MB21D2: variants seen among roughly 807,000 people sequenced by gnomAD.
The protein encoded by MB21D2 is Mab-21 domain containing 2, also known as nucleotidyltransferase MB21D2.
A neutral mutation model predicts 33.3 loss-of-function variants in MB21D2; 9 were observed. The observed-to-expected ratio is 0.27, with a 90% CI of 0.16 to 0.47. The LOEUF is 0.47. Ranked by LOEUF, MB21D2 falls within the 20% of genes least tolerant of loss-of-function variation. The pLI is 0.99. For missense variants in MB21D2, 540 were observed against 624.6 expected, an observed-to-expected ratio of 0.86 and a Z score of 1.44; for synonymous variants, 241 against 236.3, an observed-to-expected ratio of 1.02 and a Z score of -0.18.
chr3:192,823,805 TAA>T, intron 1 of MB21D2, among the ~76,000 whole-genome samples: 1 of 152,234 alleles, frequency 6.6e-6, no homozygotes, highest in South Asian at 2.1e-4. Flanking sequence ...TTTATTCAAA[TAA>T]AGTTTTTTAA....
chr3:192,872,550 T>G (rs1713332199), intron 1 of MB21D2, among the ~76,000 whole-genome samples: 1 of 145,970 alleles, frequency 6.9e-6, no homozygotes, highest in African/African-American at 2.6e-5. Context: ...CACTCCAGCC[T>G]GGGCCACAGA....
rs57320648 is a variant in MB21D2, at chr3:192,870,699, GAAAAA to G, written c.211+46926_211+46930del. On this transcript the variant is annotated intron_variant, in intron 1 of 1. Transcript: ENST00000392452. ...GCACTCCAGCCTGGGCGACTCCGTTGAAAAAAAAAAAAAAAAAAAAGGAAGGAGAG... is the reference window on the plus strand; with the variant it reads ...GCACTCCAGCCTGGGCGACTCCGTTGAAAAAAAAAAAAAAAGGAAGGAGAG... Among the ~76,000 whole-genome samples the G allele has an allele frequency of 4.0e-3, 167 of 41,666 alleles. 2 individuals are homozygous for G. Among genetic ancestry groups the G allele is most frequent in the Non-Finnish European group, 4.8e-3 (119 of 24,980 alleles). 27.3% of individuals were successfully genotyped at this position (41,666 alleles called of 152,430 possible).
chr3:192,916,438 G>C (rs1257358392), intron 1 of MB21D2, among the ~76,000 whole-genome samples: 1 of 152,190 alleles, frequency 6.6e-6, no homozygotes. Flanking sequence ...CCCTGTCTTA[G>C]TCTGTGGCCA....
intron 1 of MB21D2, among the ~76,000 whole-genome samples, chr3:192,811,767 A>C (rs1184177711): frequency 6.6e-6 from 1 of 152,138 alleles, no homozygotes; most frequent in African/African-American, 2.4e-5. Context: ...CAAAGAGAAC[A>C]ATGGGGATTA....
At chr3:192,827,291 C>G (rs1433616029) in intron 1 of MB21D2, among the ~76,000 whole-genome samples, 2 of 152,222 alleles carry the variant, frequency 1.3e-5, no homozygotes, top group East Asian at 3.9e-4. Context: ...AACCTATTAA[C>G]TTATAAATAG....
chr3:192,836,381 C>A (rs1416181355), intron 1 of MB21D2, among the ~76,000 whole-genome samples: 1 of 152,168 alleles, frequency 6.6e-6, no homozygotes, highest in Non-Finnish European at 1.5e-5. Flanking sequence ...AAGTTGTGGA[C>A]TCACAAATTC....
chr3:192,883,073 G>C (rs972148652), intron 1 of MB21D2, among the ~76,000 whole-genome samples: 12 of 151,958 alleles, frequency 7.9e-5, no homozygotes, highest in African/African-American at 2.9e-4. Context: ...TCACCATGTA[G>C]GCCAGGCTGG....
chr3:192,901,430 A>AAAC (rs1353680756), intron 1 of MB21D2, among the ~76,000 whole-genome samples: 1 of 151,388 alleles, frequency 6.6e-6, no homozygotes, highest in African/African-American at 2.4e-5. Context: ...AAAAAAAAAA[A>AAAC]AAAAGACTTT....
chr3:192,865,953 G>C (rs1713158097), intron 1 of MB21D2, among the ~76,000 whole-genome samples: 1 of 152,102 alleles, frequency 6.6e-6, no homozygotes, highest in Non-Finnish European at 1.5e-5. Flanking sequence ...GCTGAGGCGG[G>C]AGGATTGCTG....
At chr3:192,821,761 G>C (rs1426598861) in intron 1 of MB21D2, among the ~76,000 whole-genome samples, 1 of 152,196 alleles carries the variant, frequency 6.6e-6, no homozygotes, top group Non-Finnish European at 1.5e-5. Flanking sequence ...AGTTGACTGA[G>C]TGATTTGGAG....
chr3:192,853,314 C>T (rs1351557284), intron 1 of MB21D2, among the ~76,000 whole-genome samples: 3 of 152,222 alleles, frequency 2.0e-5, no homozygotes, highest in African/African-American at 7.2e-5. Flanking sequence ...GAATTTAACA[C>T]TCCTTTCTTT....
intron 1 of MB21D2, among the ~76,000 whole-genome samples, chr3:192,902,011 C>T (rs1714115087): frequency 1.3e-5 from 2 of 152,100 alleles, no homozygotes; most frequent in African/African-American, 4.8e-5. Context: ...TTAGCTGGGA[C>T]GCACCTTCTT....
At position 192,799,773 on chromosome 3, in the gene MB21D2, C is replaced by A; in HGVS notation, c.212-123G>T. On this transcript the variant is annotated intron_variant, in intron 1 of 1. Coordinates refer to ENST00000392452, the MANE Select transcript of MB21D2 (RefSeq NM_178496.4). This position sits in a 1 kb window ranked among gnomAD's most constrained non-coding sequence, Gnocchi z 4.1. Reference sequence around the variant, plus strand: ...ACTCATTATCAGTACTAAATCAAATCTCAGGCTGCTGCAGAGACCTGGCCA... The same window carrying A: ...ACTCATTATCAGTACTAAATCAAATATCAGGCTGCTGCAGAGACCTGGCCA... 6 of 1,070,146 alleles carry A rather than the reference C, an allele frequency of 5.6e-6. No homozygotes were observed. Among genetic ancestry groups the A allele is most frequent in the Non-Finnish European group, 7.8e-6 (6 of 765,584 alleles). The allele number at this position is 1,070,146 out of a possible 1,614,324, so 66.3% of individuals were successfully genotyped here. A position where few individuals can be genotyped will look rare whatever the true frequency, so the allele number is the denominator to read the frequency against.
At chr3:192,855,256 G>A (rs764287662) in intron 1 of MB21D2, among the ~76,000 whole-genome samples, 5 of 151,990 alleles carry the variant, frequency 3.3e-5, no homozygotes, top group African/African-American at 7.3e-5. Context: ...CTACCACCGC[G>A]CCTGGCTAAT....
chr3:192,824,656 C>CCA (rs1712131288), intron 1 of MB21D2, among the ~76,000 whole-genome samples: 1 of 152,068 alleles, frequency 6.6e-6, no homozygotes. Context: ...GCTATGCAGC[C>CCA]CACAGCCTGT....
chr3:192,879,804 G>A (rs938942242), intron 1 of MB21D2, among the ~76,000 whole-genome samples: 3 of 152,178 alleles, frequency 2.0e-5, no homozygotes, highest in African/African-American at 7.2e-5. Context: ...TACCCATAGC[G>A]AGAAAATCTT....
At chr3:192,908,248 C>G (rs566806555) in intron 1 of MB21D2, among the ~76,000 whole-genome samples, 113 of 152,228 alleles carry the variant, frequency 7.4e-4, no homozygotes, top group African/African-American at 2.5e-3. Context: ...CAAGTCACAT[C>G]ACACTTAGTG....
intron 1 of MB21D2, among the ~76,000 whole-genome samples, chr3:192,864,242 A>G (rs557591962): frequency 1.2e-4 from 18 of 152,344 alleles, no homozygotes; most frequent in Non-Finnish European, 2.6e-4. Flanking sequence ...TCTTCCAGAT[A>G]CAGATAAATG....
At chr3:192,835,355 T>G (rs1308972469) in intron 1 of MB21D2, among the ~76,000 whole-genome samples, 5 of 141,876 alleles carry the variant, frequency 3.5e-5, no homozygotes, top group African/African-American at 1.3e-4. Flanking sequence ...ACTCGGGAGG[T>G]TGAGGCAAGA....
Sources: gnomAD v4.1 joint callset for allele counts (sites outside exome capture counted in the v4.1 genomes callset) on GRCh38, gnomAD v4.1.1 for gene constraint, Gnocchi (gnomAD v3.1) non-coding constraint, MANE v1.5 for transcripts, NCBI Gene and HGNC (gene_info 2026-07-23, HGNC 2026-07-21) for gene names.